Variants in USP44 observed in about 807,000 individuals in gnomAD.
USP44 encodes the protein ubiquitin specific peptidase 44.
Under a neutral mutation model 69.0 loss-of-function variants are expected in USP44, and 61 were observed. The observed-to-expected ratio is 0.88, with a 90% CI of 0.72 to 1.09. The LOEUF (loss-of-function observed/expected upper bound fraction) is 1.09, where lower values mean the gene tolerates loss of function less well. USP44 is among the 50% of genes least tolerant of loss of function. The pLI is 0.00. For synonymous variants in USP44, 297 were observed against 295.4 expected (o/e 1.01, Z -0.06); for missense variants, 753 against 849.9 (o/e 0.89, Z 1.42).
intron 1 of USP44, among the ~76,000 whole-genome samples, chr12:95,549,629 G>A (rs1481519088): frequency 3.3e-5 from 5 of 152,150 alleles, no homozygotes; most frequent in Non-Finnish European, 7.3e-5. Context: ...AACTCTCCAA[G>A]GAGAGCTTAA....
intron 2 of USP44, among the ~76,000 whole-genome samples, chr12:95,531,093 G>A (rs528559494): frequency 1.5e-3 from 228 of 152,264 alleles, no homozygotes; most frequent in African/African-American, 5.3e-3. Context: ...GAACCCAGCA[G>A]GTGGAGCTTG....
intron 1 of USP44, among the ~76,000 whole-genome samples, chr12:95,544,537 T>C (rs929081846): frequency 7.9e-5 from 12 of 152,154 alleles, no homozygotes; most frequent in African/African-American, 2.7e-4. Flanking sequence ...ATAGATCTAA[T>C]TGGCGTAATC....
chr12:95,527,054 C>T (rs768349054), intron 3 of USP44, among the ~76,000 whole-genome samples: 1 of 151,688 alleles, frequency 6.6e-6, no homozygotes, highest in Admixed American at 6.6e-5. Context: ...TCCCTCACCC[C>T]TCCCACCCTC....
At chr12:95,532,460 G>T (rs927698837) in intron 2 of USP44, among the ~76,000 whole-genome samples, 2 of 151,722 alleles carry the variant, frequency 1.3e-5, no homozygotes, top group African/African-American at 2.4e-5. Context: ...GAGCCCCCAC[G>T]CCCGGCCATG....
At chr12:95,550,679 T>C (rs901955299) in intron 1 of USP44, among the ~76,000 whole-genome samples, 6 of 152,016 alleles carry the variant, frequency 3.9e-5, no homozygotes, top group Admixed American at 1.3e-4. Flanking sequence ...TTCTGGAAGG[T>C]CGTTTGGGAG....
chr12:95,522,766 G>A (rs188118727), intron 4 of USP44, among the ~76,000 whole-genome samples: 37 of 128,262 alleles, frequency 2.9e-4, no homozygotes, highest in African/African-American at 8.4e-4. Context: ...CGACAAGAGC[G>A]AAATTCTGGC....
Position 95,530,692 on chromosome 12 carries a change from T to TAG in USP44, c.1429-1691_1429-1690insCT, listed in dbSNP as rs1565816660. ...ATAGATAGATAGATAGATAGATAGATATAAAAGAAAAACACTTTCTGGAAA... is the reference window on the plus strand; with the variant it reads ...ATAGATAGATAGATAGATAGATAGATAGATAAAAGAAAAACACTTTCTGGAAA... On this transcript the variant is annotated intron_variant, in intron 2 of 5. Transcript: ENST00000258499. 1.1e-3 allele frequency among the ~76,000 whole-genome samples: 163 copies of TAG among 150,960 alleles called. 1 individual carries two copies. The highest frequency in any genetic ancestry group is 6.9e-3 in the Middle Eastern group (2 of 290).
In USP44 at chr12:95,533,592, G is replaced by A. The variant is rs762034925; in HGVS notation, c.665C>T (p.Ser222Leu). The A allele has an allele frequency of 6.8e-6, 11 of 1,613,480 alleles. No individual in the cohort carries two copies. The highest frequency in any genetic ancestry group is 3.3e-5 in the South Asian group (3 of 90,988). Reference protein sequence around the residue: ...KSLRLQGLAQSTIIEIVSVQV... With the variant: ...KSLRLQGLAQLTIIEIVSVQV... ...AACAGAAACTATTTCTATTATGGTC[G>A]ACTGAGCGAGCCCTTGTAAACGTAA... The change falls in exon 2 of 6, where the codon TCG (serine) becomes TTG (leucine). Residue 222 changes from serine (S) to leucine (L), a missense_variant. Coordinates refer to ENST00000258499, the MANE Select transcript of USP44 (RefSeq NM_032147.5).
intron 1 of USP44, among the ~76,000 whole-genome samples, chr12:95,543,433 A>G (rs1482776012): frequency 1.8e-3 from 272 of 151,238 alleles, no homozygotes; most frequent in African/African-American, 6.4e-3. Context: ...AAAAAAGAAA[A>G]AGAAAAAGAA....
chr12:95,521,922 A>T, intron 4 of USP44: 1 of 537,212 alleles, frequency 1.9e-6, no homozygotes, highest in Non-Finnish European at 2.4e-6. Flanking sequence ...TCCTCAGAAC[A>T]CTTCAGAGAT....
intron 1 of USP44, among the ~76,000 whole-genome samples, chr12:95,542,278 C>T (rs916170528): frequency 1.3e-5 from 2 of 152,174 alleles, no homozygotes; most frequent in African/African-American, 4.8e-5. Context: ...CTTACTTTGC[C>T]ACCTAACTGT....
chr12:95,526,169 A>G (rs2076826314), intron 3 of USP44, among the ~76,000 whole-genome samples: 1 of 152,228 alleles, frequency 6.6e-6, no homozygotes, highest in African/African-American at 2.4e-5. Flanking sequence ...TTCTGCATTC[A>G]TAACATCACC....
chr12:95,543,406 CAAAAAAAA>C (rs60127958), intron 1 of USP44, among the ~76,000 whole-genome samples: 1 of 43,164 alleles, frequency 2.3e-5, no homozygotes, highest in African/African-American at 8.6e-5. Context: ...GACTCTTTCT[CAAAAAAAA>C]AAAAAAAAAA....
intron 3 of USP44, among the ~76,000 whole-genome samples, chr12:95,525,135 A>T (rs1024711916): frequency 6.6e-6 from 1 of 152,222 alleles, no homozygotes; most frequent in Non-Finnish European, 1.5e-5. Context: ...GCAGTGGCAC[A>T]ATCTCGGCTC....
intron 5 of USP44, among the ~76,000 whole-genome samples, chr12:95,520,318 C>A (rs1176546782): frequency 2.6e-5 from 4 of 151,972 alleles, no homozygotes; most frequent in African/African-American, 9.7e-5. Context: ...TGGTGAAACC[C>A]CGTCTCTACT....
intron 1 of USP44, among the ~76,000 whole-genome samples, chr12:95,541,874 A>ATTTTT (rs34060895): frequency 1.0e-5 from 1 of 99,540 alleles, no homozygotes; most frequent in Non-Finnish European, 2.0e-5. Context: ...TATCATCTCC[A>ATTTTT]TTTTTTTTTT....
intron 1 of USP44, among the ~76,000 whole-genome samples, chr12:95,545,880 C>A (rs928044479): frequency 8.5e-5 from 13 of 152,142 alleles, no homozygotes; most frequent in African/African-American, 2.4e-4. Context: ...GTTATTCTTT[C>A]TTCCTTTAGA....
chr12:95,549,633 A>T (rs1174398904), intron 1 of USP44, among the ~76,000 whole-genome samples: 1 of 152,186 alleles, frequency 6.6e-6, no homozygotes, highest in Non-Finnish European at 1.5e-5. Context: ...CTCCAAGGAG[A>T]GCTTAAAAAG....
At position 95,533,060 on chromosome 12, in the gene USP44, C is replaced by T; in HGVS notation, c.1197G>A (p.Leu399=). 3 of 1,614,184 alleles carry T rather than the reference C, an allele frequency of 1.9e-6. No homozygotes were observed. Among genetic ancestry groups the T allele is most frequent in the South Asian group, 1.1e-5 (1 of 91,082 alleles). ...FQVMWSGKWA[L]VSPFAMLHSV... is the part of the protein sequence containing the mutation. ...AGTGTAGCATAGCAAATGGTGAGAC[C>T]AACGCCCACTTTCCAGACCACATGA... The change falls in exon 2 of 6, where the codon TTG becomes TTA. Residue 399 remains leucine (L), a synonymous_variant. Coordinates refer to ENST00000258499, the MANE Select transcript of USP44 (RefSeq NM_032147.5).
Sources: allele counts gnomAD v4.1 joint callset (sites outside exome capture counted in the v4.1 genomes callset), GRCh38; gene constraint gnomAD v4.1.1; transcripts MANE v1.5; gene names NCBI Gene and HGNC (gene_info 2026-07-23, HGNC 2026-07-21).